Variants in CHODL observed in about 807,000 individuals in gnomAD.
CHODL encodes chondrolectin.
In CHODL, 29 loss-of-function variants were observed where a neutral mutation model predicts 34.5. That is an observed-to-expected ratio of 0.84 (90% confidence interval 0.63 to 1.15). The LOEUF (loss-of-function observed/expected upper bound fraction) is 1.15, where lower values mean the gene tolerates loss of function less well. CHODL is among the 50% of genes most tolerant of loss of function. CHODL has a pLI of 0.00. For synonymous variants in CHODL, 125 were observed against 116.1 expected, an observed-to-expected ratio of 1.08 and a Z score of -0.49; for missense variants, 332 against 332.5, an observed-to-expected ratio of 1.00 and a Z score of 0.01.
At chr21:18,169,229 T>C (rs990781411) in intron 2 of CHODL, among the ~76,000 whole-genome samples, 10 of 152,138 alleles carry the variant, frequency 6.6e-5, no homozygotes, top group African/African-American at 2.4e-4. Context: ...TTATTTTTTC[T>C]TGAGTCAGTT....
rs2073946326 is a variant in CHODL, at chr21:18,228,019, A to C, written c.-44-28490A>C. On this transcript the variant is annotated intron_variant, in intron 2 of 6. Coordinates refer to the CHODL transcript ENST00000400127. ...GACCACACTAATTTTTCAGTTTTTT[A>C]TCTTTTGACTGGATGGGAACCAACC... Among the ~76,000 whole-genome samples, 7 of 152,262 alleles carry C rather than the reference A, an allele frequency of 4.6e-5. No individual in the cohort carries two copies. The South Asian group carries it at 1.5e-3, about 32-fold the overall frequency.
chr21:17,922,093 C>T (rs577732323), intron 1 of CHODL, among the ~76,000 whole-genome samples: 2 of 151,936 alleles, frequency 1.3e-5, no homozygotes, highest in East Asian at 3.9e-4. Context: ...AGTGATAATG[C>T]TTAATTAGGA....
At chr21:18,152,823 A>T (rs2072987184) in intron 2 of CHODL, among the ~76,000 whole-genome samples, 1 of 152,198 alleles carries the variant, frequency 6.6e-6, no homozygotes, top group Non-Finnish European at 1.5e-5. Context: ...CACTATATGA[A>T]CATAGCTAGA....
chr21:18,251,649 T>C lies in CHODL; in HGVS notation c.80-4860T>C, dbSNP rs1601207056. 3.9e-5 allele frequency among the ~76,000 whole-genome samples: 4 copies of C among 101,706 alleles called. No individual in the cohort carries two copies. The South Asian group carries it at 1.2e-3, about 30-fold the overall frequency. The allele number at this position is 101,706 out of a possible 152,430, so 66.7% of individuals were successfully genotyped here. Reference sequence around the variant, plus strand: ...TATTTTATTTATTTATTTTAATATATAAAATATTTATTTTATTTATTTATT... The same window carrying C: ...TATTTTATTTATTTATTTTAATATACAAAATATTTATTTTATTTATTTATT... On this transcript the variant is annotated intron_variant, in intron 1 of 5. Coordinates refer to ENST00000299295, the MANE Select transcript of CHODL (RefSeq NM_024944.3).
At chr21:18,070,029 C>A (rs150156497) in intron 2 of CHODL, among the ~76,000 whole-genome samples, 5 of 103,332 alleles carry the variant, frequency 4.8e-5, no homozygotes, top group Non-Finnish European at 8.6e-5. Flanking sequence ...CTTCCCTCCC[C>A]CCCCCCACCC....
intron 1 of CHODL, among the ~76,000 whole-genome samples, chr21:17,991,422 A>G (rs1333547095): frequency 1.3e-5 from 2 of 152,080 alleles, no homozygotes; most frequent in African/African-American, 4.8e-5. Context: ...ATTCCCACCA[A>G]CAATGTATAA....
At chr21:18,014,813 C>G (rs1305188385) in intron 1 of CHODL, among the ~76,000 whole-genome samples, 2 of 152,212 alleles carry the variant, frequency 1.3e-5, no homozygotes, top group Admixed American at 6.5e-5. Flanking sequence ...TCCTGTAGAA[C>G]TATGTGCCAA....
intron 2 of CHODL, among the ~76,000 whole-genome samples, chr21:18,211,083 C>G (rs1017241914): frequency 6.6e-6 from 1 of 151,692 alleles, no homozygotes; most frequent in Non-Finnish European, 1.5e-5. Flanking sequence ...TGTTCATACA[C>G]CTGCCTCTTT....
rs148573609 is a variant in CHODL, at chr21:18,199,806, A to G, written c.-44-56703A>G. ...AGCTTGTTTCTTTTTATTACTGAATAATATTCCATCCTATGGATATACCAG... is the reference window on the plus strand; with the variant it reads ...AGCTTGTTTCTTTTTATTACTGAATGATATTCCATCCTATGGATATACCAG... On this transcript the variant is annotated intron_variant, in intron 2 of 6. Transcript: ENST00000400127. Among the ~76,000 whole-genome samples the G allele has an allele frequency of 6.6e-4, 101 of 152,294 alleles. 1 individual carries two copies. The East Asian group carries it at 0.019, about 29-fold the overall frequency.
chr21:18,069,304 G>C (rs547081369), intron 2 of CHODL, among the ~76,000 whole-genome samples: 7 of 152,100 alleles, frequency 4.6e-5, no homozygotes, highest in African/African-American at 1.7e-4. Context: ...GAGGACCTTT[G>C]CATTCAACTT....
At chr21:18,040,344 T>G (rs2064360433) in intron 2 of CHODL, among the ~76,000 whole-genome samples, 1 of 151,836 alleles carries the variant, frequency 6.6e-6, no homozygotes, top group Non-Finnish European at 1.5e-5. Context: ...AAAATTAATT[T>G]AAGTAAAGGT....
chr21:18,132,729 T>G (rs2824644), intron 2 of CHODL, among the ~76,000 whole-genome samples: 33,371 of 152,038 alleles, frequency 0.22, 4,089 homozygotes, highest in East Asian at 0.5. Flanking sequence ...ATCTTTGTTG[T>G]TTTTGTATAT....
At chr21:18,131,110 CAGAGAGAGAAAGAGAGAGCAGAG>C (rs1474760318) in intron 2 of CHODL, among the ~76,000 whole-genome samples, 21 of 151,538 alleles carry the variant, frequency 1.4e-4, no homozygotes, top group African/African-American at 4.9e-4. Flanking sequence ...GAGAGGAAGA[CAGAGAGAGAAAGAGAGAGCAGAG>C]AGAGAGAGAC....
intron 1 of CHODL, among the ~76,000 whole-genome samples, chr21:18,021,860 A>G (rs1476626201): frequency 6.6e-6 from 1 of 152,184 alleles, no homozygotes; most frequent in East Asian, 1.9e-4. Flanking sequence ...TTCCTAAAAC[A>G]TCACTGCAAG....
chr21:18,181,005 C>A (rs976534675), intron 2 of CHODL, among the ~76,000 whole-genome samples: 1 of 152,058 alleles, frequency 6.6e-6, no homozygotes, highest in Non-Finnish European at 1.5e-5. Context: ...TAATCAATAG[C>A]AACAGATTTT....
chr21:18,177,019 TTGAGCTA>T (rs901144438), intron 2 of CHODL, among the ~76,000 whole-genome samples: 1 of 152,050 alleles, frequency 6.6e-6, no homozygotes, highest in East Asian at 1.9e-4. Context: ...GCAGAGAGTC[TTGAGCTA>T]TGAGGTTAAT....
intron 2 of CHODL, among the ~76,000 whole-genome samples, chr21:18,179,414 G>T (rs987031897): frequency 6.6e-6 from 1 of 152,158 alleles, no homozygotes; most frequent in African/African-American, 2.4e-5. Context: ...TCTGGTTTCA[G>T]ATTTGCTAGC....
chr21:18,227,803 AAAAT>A (rs1480964485), intron 2 of CHODL, among the ~76,000 whole-genome samples: 3 of 152,200 alleles, frequency 2.0e-5, no homozygotes, highest in Non-Finnish European at 4.4e-5. Context: ...TGGTATAGAT[AAAAT>A]AAATCTCTGC....
chr21:18,240,114 G>A (rs562450374), upstream of CHODL, among the ~76,000 whole-genome samples: 16 of 151,754 alleles, frequency 1.1e-4, no homozygotes, highest in African/African-American at 3.9e-4. Context: ...TTCAGACCCC[G>A]CATAATAGCA....
Sources: allele counts gnomAD v4.1 joint callset (sites outside exome capture counted in the v4.1 genomes callset), GRCh38; gene constraint gnomAD v4.1.1; transcripts MANE v1.5; gene names NCBI Gene and HGNC (gene_info 2026-07-23, HGNC 2026-07-21).